The following BAIAP2 variants were observed in gnomAD, a reference collection of about 807,000 sequenced individuals.
BAIAP2 encodes BAR/IMD domain-containing adapter protein 2.
Under a neutral mutation model 63.0 loss-of-function variants are expected in BAIAP2, and 18 were observed. The observed-to-expected ratio is 0.29, with a 90% CI of 0.20 to 0.42. BAIAP2 has a LOEUF of 0.42. Ranked by LOEUF, BAIAP2 falls within the 10% of genes least tolerant of loss-of-function variation. The pLI, the probability that BAIAP2 is intolerant of heterozygous loss-of-function variation, is 1.00. For synonymous variants in BAIAP2, 386 were observed against 307.6 expected (o/e 1.25, Z -2.67); for missense variants, 610 against 734.3 (o/e 0.83, Z 1.96).
intron 13 of BAIAP2, 166 bp downstream of exon 13, chr17:81,108,675 C>A: frequency 1.1e-6 from 1 of 945,214 alleles, no homozygotes; most frequent in South Asian, 1.7e-5. Context: ...GTCCTGCTTT[C>A]TCCGAGTGAC....
intron 3 of BAIAP2, among the ~76,000 whole-genome samples, chr17:81,070,775 G>A (rs779400940): frequency 3.5e-4 from 54 of 152,186 alleles, no homozygotes; most frequent in Non-Finnish European, 3.8e-4. Context: ...GGGAGCCCCC[G>A]TCTGCCTGGG....
At chr17:81,100,141 G>GCCCCTGCCCCAGC in intron 7 of BAIAP2, 61 bp downstream of exon 7, 5 of 1,540,718 alleles carry the variant, frequency 3.2e-6, no homozygotes, top group Middle Eastern at 2.4e-4. Flanking sequence ...AATGACCCAG[G>GCCCCTGCCCCAGC]CCCCTGCCCC....
chr17:81,100,845 C>T (rs1269288800), intron 7 of BAIAP2, among the ~76,000 whole-genome samples: 1 of 152,178 alleles, frequency 6.6e-6, no homozygotes, highest in Non-Finnish European at 1.5e-5. Context: ...CAGGGTCCTC[C>T]CCTGGCTCCC....
intron 13 of BAIAP2, among the ~76,000 whole-genome samples, chr17:81,111,566 C>G (rs538754641): frequency 5.1e-4 from 78 of 151,680 alleles, no homozygotes; most frequent in African/African-American, 1.8e-3. Flanking sequence ...ATCTGCAGAC[C>G]TGGAGGGCTG....
Position 81,057,969 on chromosome 17 carries a change from T to TGCGGGGGG in BAIAP2, c.217+3_217+4insCGGGGGGG. 10 of 964,834 alleles carry TGCGGGGGG rather than the reference T, an allele frequency of 1.0e-5. No homozygotes were observed. The highest frequency in any genetic ancestry group is 1.1e-5 in the Non-Finnish European group (8 of 713,560). 59.8% of individuals were successfully genotyped at this position (964,834 alleles called of 1,614,324 possible). A position where few individuals can be genotyped will look rare whatever the true frequency, so the allele number is the denominator to read the frequency against. On this transcript the variant is annotated splice_region_variant and intron_variant, in intron 3 of 13. Transcript: ENST00000428708. ...AGAGCCAGGGCTCCAAAGAACTCGG[T>TGCGGGGGG]GAGACCCCCCCCCCCCCCCCGCCTG...
intron 1 of BAIAP2, among the ~76,000 whole-genome samples, chr17:81,044,656 G>C (rs1227366124): frequency 2.6e-5 from 4 of 152,246 alleles, no homozygotes; most frequent in African/African-American, 9.6e-5. Flanking sequence ...GTAGCTGCTG[G>C]AGGGGCCGAG....
intron 13 of BAIAP2, among the ~76,000 whole-genome samples, chr17:81,113,896 C>T (rs1402227606): frequency 6.6e-6 from 1 of 151,790 alleles, no homozygotes; most frequent in Non-Finnish European, 1.5e-5. Context: ...GTGAGAACCA[C>T]GCGGCTGCAC....
At chr17:81,103,018 G>A (rs547259483) in intron 7 of BAIAP2, among the ~76,000 whole-genome samples, 1 of 152,320 alleles carries the variant, frequency 6.6e-6, no homozygotes, top group Non-Finnish European at 1.5e-5. Context: ...GAGGGAGCGC[G>A]GGCTCTTGGG....
At chr17:81,059,419 G>A (rs1225243671) in intron 3 of BAIAP2, among the ~76,000 whole-genome samples, 2 of 152,182 alleles carry the variant, frequency 1.3e-5, no homozygotes, top group Non-Finnish European at 2.9e-5. Context: ...TTTGGAGAAG[G>A]GCAGAAGCAG....
chr17:81,066,192 G>A (rs909672716), intron 3 of BAIAP2, among the ~76,000 whole-genome samples: 1 of 152,234 alleles, frequency 6.6e-6, no homozygotes, highest in Non-Finnish European at 1.5e-5. Flanking sequence ...GGTGCCCACA[G>A]CATGCTTGTT....
intron 3 of BAIAP2, among the ~76,000 whole-genome samples, chr17:81,081,082 C>T (rs1185497153): frequency 6.6e-6 from 1 of 152,222 alleles, no homozygotes; most frequent in Non-Finnish European, 1.5e-5. Flanking sequence ...CTGTTGTCAC[C>T]TGCCACCCCA....
At chr17:81,052,329 C>T (rs188862849) in intron 1 of BAIAP2, among the ~76,000 whole-genome samples, 13 of 152,386 alleles carry the variant, frequency 8.5e-5, no homozygotes, top group South Asian at 4.1e-4. Flanking sequence ...TGGCTCTGTG[C>T]GAGCAGGGCT....
chr17:81,085,522 G>T (rs776171288), intron 4 of BAIAP2, 132 bp from the exon 5 acceptor site: 9 of 751,168 alleles, frequency 1.2e-5, no homozygotes, highest in Admixed American at 1.2e-4. Flanking sequence ...TCATCAGTCA[G>T]GGGGAGGGGG....
rs993114215 is a variant in BAIAP2, at chr17:81,046,217, G to A, written c.55-7451G>A. Among the ~76,000 whole-genome samples, 2 of 152,052 alleles carry A rather than the reference G, an allele frequency of 1.3e-5. No individual in the cohort carries two copies. Among genetic ancestry groups the A allele is most frequent in the Non-Finnish European group, 2.9e-5 (2 of 67,970 alleles). On this transcript the variant is annotated intron_variant, in intron 1 of 13. Transcript: ENST00000428708. The surrounding 1 kb of genome is among the most constrained non-coding windows in gnomAD (Gnocchi z 4.5). ...GGCTCCAGCCCACCTTCAGGCCCCC[G>A]TCCTAACCCTGCGCGCCGTTTCCTC... is the stretch of plus-strand genomic sequence containing the variant.
chr17:81,105,638 G>A lies in BAIAP2; in HGVS notation c.1269-440G>A, dbSNP rs1037704230. Reference sequence around the variant, plus strand: ...TCTTGGCAAGATGGGAAAAGGCCCTGACATTTGTGCCTTCCTAAGCTTGGC... The same window carrying A: ...TCTTGGCAAGATGGGAAAAGGCCCTAACATTTGTGCCTTCCTAAGCTTGGC... On this transcript the variant is annotated intron_variant, in intron 10 of 13. Coordinates refer to ENST00000428708, the MANE Select transcript of BAIAP2 (RefSeq NM_001144888.2). The A allele has an allele frequency of 1.3e-4, 22 of 169,362 alleles. No individual in the cohort carries two copies. In the South Asian group the frequency reaches 2.7e-3, roughly 20 times the overall value. The allele number at this position is 169,362 out of a possible 1,614,324, so 10.5% of individuals were successfully genotyped here.
chr17:81,058,999 T>C (rs1005914814), intron 3 of BAIAP2, among the ~76,000 whole-genome samples: 1 of 152,216 alleles, frequency 6.6e-6, no homozygotes, highest in Non-Finnish European at 1.5e-5. Context: ...GCTCTGGGGC[T>C]GGGACCCCAG....
At chr17:81,063,477 C>G (rs1157772859) in intron 3 of BAIAP2, among the ~76,000 whole-genome samples, 1 of 152,204 alleles carries the variant, frequency 6.6e-6, no homozygotes, top group Non-Finnish European at 1.5e-5. Flanking sequence ...GCTCGAGGCC[C>G]AAGGGGCCCT....
chr17:81,110,487 G>A, intron 13 of BAIAP2: 3 of 1,028,034 alleles, frequency 2.9e-6, no homozygotes, highest in Non-Finnish European at 3.5e-6. Flanking sequence ...GCAGTTACTT[G>A]TTTGAATAAA....
intron 2 of BAIAP2, among the ~76,000 whole-genome samples, chr17:81,054,807 G>T (rs1187759502): frequency 6.6e-6 from 1 of 152,166 alleles, no homozygotes; most frequent in African/African-American, 2.4e-5. Flanking sequence ...GGGGCCTTGG[G>T]TGCACCTGGG....
Sources: allele counts gnomAD v4.1 joint callset (sites outside exome capture counted in the v4.1 genomes callset), GRCh38; gene constraint gnomAD v4.1.1; non-coding constraint Gnocchi (gnomAD v3.1); transcripts MANE v1.5; gene names NCBI Gene and HGNC (gene_info 2026-07-23, HGNC 2026-07-21).